APBB1IP: variants seen among roughly 807,000 people sequenced by gnomAD.
The protein encoded by APBB1IP is amyloid beta A4 precursor protein-binding family B member 1-interacting protein.
In APBB1IP, 27 loss-of-function variants were observed where a neutral mutation model predicts 64.9. The observed-to-expected ratio is 0.42, with a 90% CI of 0.31 to 0.57. The LOEUF is 0.57. APBB1IP is among the 20% of genes least tolerant of loss of function. APBB1IP has a pLI of 0.20. For synonymous variants in APBB1IP, 392 were observed against 331.0 expected, an observed-to-expected ratio of 1.18 and a Z score of -2.00; for missense variants, 812 against 845.5, an observed-to-expected ratio of 0.96 and a Z score of 0.49.
In APBB1IP at chr10:26,510,731, GTC is replaced by G. The variant is rs147913300; in HGVS notation, c.532-1013_532-1012del. Among the ~76,000 whole-genome samples, 44 of 121,650 alleles carry G rather than the reference GTC, an allele frequency of 3.6e-4. 1 individual carries two copies. Among genetic ancestry groups the G allele is most frequent in the African/African-American group, 1.5e-3 (36 of 23,790 alleles). The allele number at this position is 121,650 out of a possible 152,430, so 79.8% of individuals were successfully genotyped here. A position where few individuals can be genotyped will look rare whatever the true frequency, so the allele number is the denominator to read the frequency against. On this transcript the variant is annotated intron_variant, in intron 6 of 14. Coordinates refer to ENST00000376236, the MANE Select transcript of APBB1IP (RefSeq NM_019043.4). ...AGCCTAGGCAACAGAGCAAGACCCT[GTC>G]TCACACACACACACACACACACACA...
chr10:26,491,014 C>A (rs533011186), intron 2 of APBB1IP, among the ~76,000 whole-genome samples: 6 of 152,250 alleles, frequency 3.9e-5, no homozygotes, highest in East Asian at 3.9e-4. Flanking sequence ...CAAGATGGCT[C>A]AATCTTGTAA....
At chr10:26,499,297 C>A (rs1836067186) in intron 4 of APBB1IP, among the ~76,000 whole-genome samples, 1 of 149,254 alleles carries the variant, frequency 6.7e-6, no homozygotes, top group African/African-American at 2.5e-5. Context: ...GCCTAGGTGA[C>A]AAAGCGAAAC....
intron 2 of APBB1IP, among the ~76,000 whole-genome samples, chr10:26,465,734 T>C (rs1024634746): frequency 6.6e-6 from 1 of 152,222 alleles, no homozygotes; most frequent in African/African-American, 2.4e-5. Context: ...CAGATGTGTG[T>C]CCTTGTGTGA....
intron 2 of APBB1IP, among the ~76,000 whole-genome samples, chr10:26,476,960 C>G (rs1366300221): frequency 6.6e-6 from 1 of 152,088 alleles, no homozygotes; most frequent in Non-Finnish European, 1.5e-5. Flanking sequence ...GCCACCATGC[C>G]TGGCTAATTT....
At chr10:26,474,031 T>C (rs952528934) in intron 2 of APBB1IP, among the ~76,000 whole-genome samples, 1 of 151,576 alleles carries the variant, frequency 6.6e-6, no homozygotes, top group Non-Finnish European at 1.5e-5. Flanking sequence ...AAGTATGTTC[T>C]TGAATAGAAG....
intron 2 of APBB1IP, among the ~76,000 whole-genome samples, chr10:26,479,434 TA>T (rs1464940602): frequency 6.6e-6 from 1 of 152,158 alleles, no homozygotes; most frequent in Non-Finnish European, 1.5e-5. Context: ...AGCAATAATT[TA>T]TAAAGTGTAT....
At chr10:26,445,127 G>GA (rs568646399) in intron 2 of APBB1IP, among the ~76,000 whole-genome samples, 5,011 of 47,262 alleles carry the variant, frequency 0.11, 170 homozygotes, top group South Asian at 0.17. Flanking sequence ...AAGAAAGAAA[G>GA]AAAAGAAAGA....
At chr10:26,441,866 TA>T (rs1835341344) in intron 2 of APBB1IP, among the ~76,000 whole-genome samples, 1 of 152,198 alleles carries the variant, frequency 6.6e-6, no homozygotes, top group African/African-American at 2.4e-5. Context: ...TAATAGCAAA[TA>T]ATAATTATTA....
intron 6 of APBB1IP, among the ~76,000 whole-genome samples, chr10:26,510,734 T>TCTCTCACACACACA (rs375916170): frequency 1.5e-5 from 2 of 135,892 alleles, no homozygotes; most frequent in East Asian, 2.2e-4. Flanking sequence ...AGACCCTGTC[T>TCTCTCACACACACA]CACACACACA....
intron 3 of APBB1IP, 108 bp from the exon 4 acceptor site, chr10:26,496,195 TA>T: frequency 1.3e-6 from 1 of 796,926 alleles, no homozygotes; most frequent in Non-Finnish European, 2.1e-6. Context: ...GAGAACACAC[TA>T]AGGGAGAAAA....
intron 8 of APBB1IP, among the ~76,000 whole-genome samples, chr10:26,515,133 G>T (rs553631246): frequency 1.3e-5 from 2 of 149,868 alleles, no homozygotes; most frequent in Admixed American, 1.3e-4. Context: ...CGCCCGCCTT[G>T]GCCTCCCAAA....
At chr10:26,561,145 T>G (rs1489765687) in intron 13 of APBB1IP, among the ~76,000 whole-genome samples, 1 of 130,816 alleles carries the variant, frequency 7.6e-6, no homozygotes, top group East Asian at 2.8e-4. Context: ...CTCAGCTCAC[T>G]GCAAGCTCCG....
intron 2 of APBB1IP, among the ~76,000 whole-genome samples, chr10:26,470,372 A>C (rs989762303): frequency 1.8e-4 from 28 of 152,042 alleles, no homozygotes; most frequent in African/African-American, 6.8e-4. Flanking sequence ...CCCCATCTCT[A>C]CTAAAAATAC....
chr10:26,530,173 T>A (rs997903813), intron 8 of APBB1IP, among the ~76,000 whole-genome samples: 12 of 152,150 alleles, frequency 7.9e-5, no homozygotes, highest in African/African-American at 2.7e-4. Flanking sequence ...TTAAGTACAT[T>A]CACATTGCTG....
At chr10:26,549,783 T>C (rs1836808419) in intron 11 of APBB1IP, among the ~76,000 whole-genome samples, 1 of 152,046 alleles carries the variant, frequency 6.6e-6, no homozygotes, top group South Asian at 2.1e-4. Context: ...ATATTTGTGT[T>C]TTAGCCTCTT....
intron 2 of APBB1IP, among the ~76,000 whole-genome samples, chr10:26,453,780 A>C (rs1835491338): frequency 6.6e-6 from 1 of 152,236 alleles, no homozygotes; most frequent in South Asian, 2.1e-4. Flanking sequence ...TACCACAATG[A>C]GTACAACCAC....
At chr10:26,487,679 G>T (rs931568355) in intron 2 of APBB1IP, among the ~76,000 whole-genome samples, 2 of 152,182 alleles carry the variant, frequency 1.3e-5, no homozygotes, top group Non-Finnish European at 2.9e-5. Context: ...ATCTTAGGTG[G>T]ATGATTCACT....
At chr10:26,471,862 T>C (rs914987095) in intron 2 of APBB1IP, among the ~76,000 whole-genome samples, 1 of 152,114 alleles carries the variant, frequency 6.6e-6, no homozygotes, top group African/African-American at 2.4e-5. Context: ...TTTTTTATAT[T>C]TTAGTAGAGA....
chr10:26,506,253 G>GT (rs1448147246), intron 6 of APBB1IP, among the ~76,000 whole-genome samples: 2 of 131,802 alleles, frequency 1.5e-5, no homozygotes, highest in Non-Finnish European at 3.2e-5. Context: ...GTGTGTGTGG[G>GT]GGGGGGGGGT....
Sources: gnomAD v4.1 joint callset for allele counts (sites outside exome capture counted in the v4.1 genomes callset) on GRCh38, gnomAD v4.1.1 for gene constraint, MANE v1.5 for transcripts, NCBI Gene and HGNC (gene_info 2026-07-23, HGNC 2026-07-21) for gene names.